LINGO2: variants seen among roughly 807,000 people sequenced by gnomAD.
LINGO2 encodes leucine-rich repeat and immunoglobulin-like domain-containing nogo receptor-interacting protein 2.
Under a neutral mutation model 30.6 loss-of-function variants are expected in LINGO2, and 14 were observed. The ratio of observed to expected loss-of-function variants is 0.46; its 90% CI spans 0.30 to 0.72. The LOEUF (loss-of-function observed/expected upper bound fraction) is 0.72, where lower values mean the gene tolerates loss of function less well. Among genes scored for constraint, LINGO2 ranks in the 30% least tolerant of loss-of-function variants. The pLI, the probability that LINGO2 is intolerant of heterozygous loss-of-function variation, is 0.07. For synonymous variants in LINGO2, 317 were observed against 288.5 expected, an observed-to-expected ratio of 1.10 and a Z score of -1.00; for missense variants, 729 against 751.7, an observed-to-expected ratio of 0.97 and a Z score of 0.35.
At chr9:29,005,739 TC>T in the LINGO2 span, among the ~76,000 whole-genome samples, 22 of 151,994 alleles carry the variant, frequency 1.4e-4, no homozygotes, top group Admixed American at 2.6e-4. Context: ...AGGTTTTGCA[TC>T]CCATGAATAC....
intron 1 of LINGO2, among the ~76,000 whole-genome samples, chr9:28,484,513 T>C (rs1195669916): frequency 2.0e-5 from 3 of 152,062 alleles, no homozygotes; most frequent in East Asian, 1.9e-4. Context: ...ATCACCACTT[T>C]CTTGAATACA....
At chr9:28,503,162 C>T (rs751538551) in intron 1 of LINGO2, among the ~76,000 whole-genome samples, 57 of 152,004 alleles carry the variant, frequency 3.7e-4, no homozygotes, top group Non-Finnish European at 6.9e-4. Context: ...TTCTGTATTA[C>T]TTTGGGTTCA....
chr9:28,709,170 G>T, the LINGO2 span, among the ~76,000 whole-genome samples: 1 of 151,918 alleles, frequency 6.6e-6, no homozygotes, highest in Non-Finnish European at 1.5e-5. Flanking sequence ...ATAAGGGTAA[G>T]ATTTAACAAG....
intron 4 of LINGO2, among the ~76,000 whole-genome samples, chr9:28,264,386 C>A (rs998280055): frequency 4.6e-5 from 7 of 151,916 alleles, no homozygotes; most frequent in Non-Finnish European, 1.0e-4. Context: ...AAAATATTAT[C>A]TCTTAATAAA....
At chr9:28,528,505 T>C (rs1239748762) in intron 1 of LINGO2, among the ~76,000 whole-genome samples, 1 of 152,200 alleles carries the variant, frequency 6.6e-6, no homozygotes, top group Non-Finnish European at 1.5e-5. Context: ...TGGCAGTCAA[T>C]AAATTAATTC....
chr9:28,748,152 A>G, the LINGO2 span, among the ~76,000 whole-genome samples: 127 of 152,116 alleles, frequency 8.3e-4, 2 homozygotes, highest in Admixed American at 2.6e-3. Flanking sequence ...CTAAATTCTA[A>G]ACATTTTGAT....
intron 1 of LINGO2, among the ~76,000 whole-genome samples, chr9:28,667,975 C>A (rs898859972): frequency 6.6e-6 from 1 of 152,092 alleles, no homozygotes; most frequent in Non-Finnish European, 1.5e-5. Context: ...ACTGGTGACA[C>A]CTTCTCAACG....
At chr9:28,812,366 A>G in the LINGO2 span, among the ~76,000 whole-genome samples, 2 of 152,148 alleles carry the variant, frequency 1.3e-5, no homozygotes, top group East Asian at 1.9e-4. Flanking sequence ...TAAAAATGAA[A>G]TGTAAATATA....
the LINGO2 span, among the ~76,000 whole-genome samples, chr9:28,740,695 T>G: frequency 1.3e-5 from 2 of 152,056 alleles, no homozygotes; most frequent in Admixed American, 1.3e-4. Flanking sequence ...TGTAAAATTG[T>G]ATATATTTTT....
chr9:28,688,048 T>C, the LINGO2 span, among the ~76,000 whole-genome samples: 3 of 152,094 alleles, frequency 2.0e-5, 1 homozygote, highest in Admixed American at 2.0e-4. Context: ...GCTCTAAAAA[T>C]TTCACACCAA....
At chr9:28,475,450 TTATC>T (rs1311089522) in intron 2 of LINGO2, among the ~76,000 whole-genome samples, 3 of 152,184 alleles carry the variant, frequency 2.0e-5, no homozygotes, top group East Asian at 1.9e-4. Flanking sequence ...CAAACTTTCT[TTATC>T]TATAAAACAA....
intron 3 of LINGO2, among the ~76,000 whole-genome samples, chr9:28,332,623 G>T (rs1199780196): frequency 6.6e-6 from 1 of 151,498 alleles, no homozygotes. Context: ...AAAAGGTTTT[G>T]TAAGAGCCAA....
chr9:27,947,707 T>C (rs367945977), downstream of LINGO2, among the ~76,000 whole-genome samples: 10 of 152,332 alleles, frequency 6.6e-5, no homozygotes, highest in African/African-American at 2.4e-4. Flanking sequence ...GCTATCATGT[T>C]TTAAACAAAT....
the LINGO2 span, among the ~76,000 whole-genome samples, chr9:29,173,677 C>A: frequency 6.6e-6 from 1 of 152,032 alleles, no homozygotes; most frequent in Non-Finnish European, 1.5e-5. Flanking sequence ...TAATCTCATT[C>A]TTTTAAAAAG....
the LINGO2 span, among the ~76,000 whole-genome samples, chr9:29,175,524 T>A: frequency 5.1e-5 from 1 of 19,608 alleles, no homozygotes; most frequent in African/African-American, 1.3e-4. Flanking sequence ...TCTCCGAGAT[T>A]TTTTTTTTTT....
At chr9:28,131,178 A>C (rs112696428) in intron 4 of LINGO2, among the ~76,000 whole-genome samples, 5,926 of 152,172 alleles carry the variant, frequency 0.039, 186 homozygotes, top group Admixed American at 0.083. Context: ...AAAAAAAAAA[A>C]AAAACATGAG....
chr9:28,263,374 A>AC (rs764046011), intron 4 of LINGO2, among the ~76,000 whole-genome samples: 22 of 152,000 alleles, frequency 1.4e-4, no homozygotes, highest in Admixed American at 3.9e-4. Context: ...ACACCACATA[A>AC]CAAAATAATG....
At chr9:28,501,452 T>A (rs1819878660) in intron 1 of LINGO2, among the ~76,000 whole-genome samples, 1 of 152,184 alleles carries the variant, frequency 6.6e-6, no homozygotes, top group Admixed American at 6.5e-5. Context: ...AACATTAAAT[T>A]AATCCAACAA....
chr9:28,568,650 TA>T (rs1823517559), intron 1 of LINGO2, among the ~76,000 whole-genome samples: 1 of 151,940 alleles, frequency 6.6e-6, no homozygotes. Flanking sequence ...AGCAGATTAA[TA>T]ACAGAAACCT....
Sources: gnomAD v4.1 joint callset for allele counts (sites outside exome capture counted in the v4.1 genomes callset) on GRCh38, gnomAD v4.1.1 for gene constraint, MANE v1.5 for transcripts, NCBI Gene and HGNC (gene_info 2026-07-23, HGNC 2026-07-21) for gene names.